MYO7B: variants seen among roughly 807,000 people sequenced by gnomAD.
The protein encoded by MYO7B is myosin VIIB.
In MYO7B, 212 loss-of-function variants were observed where a neutral mutation model predicts 259.7. That is an observed-to-expected ratio of 0.82 (90% CI 0.73 to 0.91). The LOEUF (loss-of-function observed/expected upper bound fraction) is 0.91. Among genes scored for constraint, MYO7B ranks in the 40% least tolerant of loss-of-function variants. The probability of loss-of-function intolerance (pLI) is 0.00; values close to 1 mark genes in which losing one functional copy is unlikely to be tolerated. For missense variants in MYO7B, 2,732 were observed against 2,813.5 expected, an observed-to-expected ratio of 0.97 and a Z score of 0.66; for synonymous variants, 1,197 against 1,166.4, an observed-to-expected ratio of 1.03 and a Z score of -0.54.
chr2:127,632,852 G>A lies in MYO7B; in HGVS notation c.5406-406G>A, dbSNP rs1381647622. Among the ~76,000 whole-genome samples the A allele has an allele frequency of 2.0e-5, 3 of 152,246 alleles. No individual in the cohort carries two copies. The East Asian group carries it at 5.8e-4, about 29-fold the overall frequency. On this transcript the variant is annotated intron_variant, in intron 39 of 47. Coordinates refer to ENST00000409816, the MANE Select transcript of MYO7B (RefSeq NM_001393586.1). ...CCTCCTGTGGCCGTGAGGAGGGCAG[G>A]TTGACTGTAGGAGTGGCCATAATTT... is the stretch of plus-strand genomic sequence containing the variant.
At chr2:127,591,074 A>C (rs926066812) in intron 16 of MYO7B, among the ~76,000 whole-genome samples, 18 of 152,336 alleles carry the variant, frequency 1.2e-4, no homozygotes, top group South Asian at 2.1e-4. Flanking sequence ...CTGTAGTCTC[A>C]GCTACTCAGG....
In MYO7B at chr2:127,607,169, T is replaced by A; in HGVS notation, c.2425-37T>A. The A allele has an allele frequency of 6.6e-7, 1 of 1,519,370 alleles. No individual in the cohort carries two copies. 94.1% of individuals were successfully genotyped at this position (1,519,370 alleles called of 1,614,324 possible). A position where few individuals can be genotyped will look rare whatever the true frequency, so the allele number is the denominator to read the frequency against. On this transcript the variant is annotated intron_variant, in intron 20 of 47. Transcript: ENST00000409816. The surrounding 1 kb of genome is among the most constrained non-coding windows in gnomAD (Gnocchi z 4.4). ...CCTCTCTGTTTCCTGGGGAAGGCCT[T>A]CTTGCCCCTGATCTCACCTCTCTCT... is the stretch of plus-strand genomic sequence containing the variant.
intron 39 of MYO7B, among the ~76,000 whole-genome samples, 164 bp from the exon 40 acceptor site, chr2:127,633,094 C>T (rs1681609320): frequency 6.6e-6 from 1 of 152,198 alleles, no homozygotes; most frequent in Admixed American, 6.5e-5. Flanking sequence ...CCGCGTGGAG[C>T]CAGGGGCAGC....
intron 29 of MYO7B, 91 bp downstream of exon 29, chr2:127,623,466 G>A (rs532696280): frequency 3.9e-4 from 526 of 1,335,244 alleles, no homozygotes; most frequent in Non-Finnish European, 4.8e-4. Context: ...TTTCCAGCCC[G>A]GCCACCACCT....
At chr2:127,561,360 G>A (rs56778078) in intron 2 of MYO7B, among the ~76,000 whole-genome samples, 18,212 of 151,856 alleles carry the variant, frequency 0.12, 1,669 homozygotes, top group East Asian at 0.24. Context: ...CCAGGTTCAA[G>A]CAATCCTCCC....
At chr2:127,566,601 C>T (rs1015766704) in intron 4 of MYO7B, 42 bp from the exon 5 acceptor site, 4 of 1,505,938 alleles carry the variant, frequency 2.7e-6, no homozygotes, top group Admixed American at 4.2e-5. Context: ...CCGAGTACCT[C>T]TGCCAGGGGC....
Position 127,629,588 on chromosome 2 carries a change from C to T in MYO7B, c.4625-57C>T, listed in dbSNP as rs1185423213. 3.3e-6 allele frequency: 5 copies of T among 1,526,818 alleles called. No homozygotes were observed. The Admixed American group carries it at 6.1e-5, about 19-fold the overall frequency. The allele number at this position is 1,526,818 out of a possible 1,614,324, so 94.6% of individuals were successfully genotyped here. On this transcript the variant is annotated intron_variant, in intron 34 of 47. Transcript: ENST00000409816. ...TCAAAGGAGATGACCCACAAAATTC[C>T]AGCACAGCCTCTGGCCCCTGCAGAG...
intron 9 of MYO7B, among the ~76,000 whole-genome samples, chr2:127,580,199 G>A (rs1026631405): frequency 6.6e-6 from 1 of 152,160 alleles, no homozygotes; most frequent in East Asian, 1.9e-4. Flanking sequence ...ACACCCAAAG[G>A]TCCCGTCCCC....
In MYO7B at chr2:127,634,301, T is replaced by C. The variant is rs1681675993; in HGVS notation, c.5625+12T>C. The C allele has an allele frequency of 1.3e-6, 2 of 1,555,478 alleles. No individual in the cohort carries two copies. The highest frequency in any genetic ancestry group is 1.7e-6 in the Non-Finnish European group (2 of 1,151,470). On this transcript the variant is annotated intron_variant, in intron 41 of 47. Coordinates refer to ENST00000409816, the MANE Select transcript of MYO7B (RefSeq NM_001393586.1). ...AGATTTCAGACAAGGTGGGCCGGGC[T>C]GGGGCTGGGCAGACGGTGGGCGGAC...
chr2:127,593,477 C>G, intron 17 of MYO7B, 69 bp from the exon 18 acceptor site: 1 of 1,448,398 alleles, frequency 6.9e-7, no homozygotes, highest in Non-Finnish European at 9.5e-7. Context: ...GAGGGAGACA[C>G]CACCCCCAGA....
At chr2:127,588,172 T>A (rs1679374469) in intron 14 of MYO7B, among the ~76,000 whole-genome samples, 1 of 151,392 alleles carries the variant, frequency 6.6e-6, no homozygotes, top group Admixed American at 6.6e-5. Context: ...GGAATGGGAA[T>A]TAGGGGGGGT....
intron 1 of MYO7B, among the ~76,000 whole-genome samples, chr2:127,537,235 C>T (rs567010801): frequency 6.6e-6 from 1 of 152,284 alleles, no homozygotes; most frequent in African/African-American, 2.4e-5. Flanking sequence ...GCTGAGGGAA[C>T]TTCCTTATCA....
chr2:127,580,050 C>G (rs559418734), intron 9 of MYO7B, among the ~76,000 whole-genome samples: 1 of 152,282 alleles, frequency 6.6e-6, no homozygotes, highest in Non-Finnish European at 1.5e-5. Context: ...GCTGGCAGAT[C>G]CTAGATTTGG....
Position 127,584,043 on chromosome 2 carries a change from G to T in MYO7B, c.1344-79G>T. 7.4e-7 allele frequency: 1 copy of T among 1,356,896 alleles called. No homozygotes were observed. Among genetic ancestry groups the T allele is most frequent in the South Asian group, 1.3e-5 (1 of 77,580 alleles). The allele number at this position is 1,356,896 out of a possible 1,614,324, so 84.1% of individuals were successfully genotyped here. On this transcript the variant is annotated intron_variant, in intron 12 of 47. Transcript: ENST00000409816. This position sits in a 1 kb window ranked among gnomAD's most constrained non-coding sequence, Gnocchi z 5.8. ...ATGCAGCTGTTTGCAGATGGCTGGT[G>T]ATCCTATGGCTCCAGCCTGCTGCAG...
chr2:127,567,885 GGAA>G (rs1678423198), intron 5 of MYO7B, among the ~76,000 whole-genome samples: 1 of 152,152 alleles, frequency 6.6e-6, no homozygotes, highest in African/African-American at 2.4e-5. Flanking sequence ...GCAGGGGAGA[GGAA>G]AGGGTGATGT....
At chr2:127,574,845 G>A (rs1429987249) in intron 7 of MYO7B, among the ~76,000 whole-genome samples, 5 of 152,210 alleles carry the variant, frequency 3.3e-5, no homozygotes, top group African/African-American at 1.2e-4. Context: ...TTTTTAGCAA[G>A]AGGGCCCATG....
At chr2:127,593,402 C>T (rs982213736) in intron 17 of MYO7B, 144 bp from the exon 18 acceptor site, 1 of 751,350 alleles carries the variant, frequency 1.3e-6, no homozygotes, top group African/African-American at 1.8e-5. Flanking sequence ...ATTCGAGGTT[C>T]CCGTTGTGCC....
chr2:127,635,870 A>C lies in MYO7B; in HGVS notation c.5969A>C (p.Asn1990Thr), dbSNP rs758526678. 4.4e-6 allele frequency: 7 copies of C among 1,582,100 alleles called. No individual in the cohort carries two copies. Among genetic ancestry groups the C allele is most frequent in the Non-Finnish European group, 5.2e-6 (6 of 1,164,610 alleles). ...PKILRELVPENLTRLMSSEEW... is the reference protein window; with the variant it reads ...PKILRELVPETLTRLMSSEEW... ...ATCCTGAGGGAACTGGTGCCTGAGA[A>C]CCTCACACGCCTGATGTCCTCGGAG... is the stretch of plus-strand genomic sequence containing the variant. Residue 1990 changes from asparagine to threonine, a missense_variant, in exon 44 of 48, where the codon AAC (asparagine) becomes ACC (threonine). Around this residue, in one of 3 missense-constraint regions of MYO7B, gnomAD observed 821 missense variants for 769.3 expected, o/e 1.07. Coordinates refer to ENST00000409816, the MANE Select transcript of MYO7B (RefSeq NM_001393586.1).
rs1558834623 is a variant in MYO7B at position 127,611,107 on chromosome 2, AAG to A, written c.3192+1094_3192+1095del. On this transcript the variant is annotated intron_variant, in intron 24 of 47. Coordinates refer to ENST00000409816, the MANE Select transcript of MYO7B (RefSeq NM_001393586.1). This position sits in a 1 kb window ranked among gnomAD's most constrained non-coding sequence, Gnocchi z 5.4. ...CTTGACAGCTGGAGGGGCTGCTCCT[AAG>A]AGGGCTCACTCACATGGCTGTTGGT... Among the ~76,000 whole-genome samples the A allele has an allele frequency of 6.6e-6, 1 of 152,202 alleles. No individual in the cohort carries two copies. Among genetic ancestry groups the A allele is most frequent in the Non-Finnish European group, 1.5e-5 (1 of 68,032 alleles).
Sources: allele counts gnomAD v4.1 joint callset (sites outside exome capture counted in the v4.1 genomes callset), GRCh38; gene constraint gnomAD v4.1.1; regional missense constraint gnomAD v4.1.1; non-coding constraint Gnocchi (gnomAD v3.1); transcripts MANE v1.5; gene names NCBI Gene and HGNC (gene_info 2026-07-23, HGNC 2026-07-21).